ADAM29: variants seen among roughly 807,000 people sequenced by gnomAD.
ADAM29 encodes ADAM metallopeptidase domain 29, also known as disintegrin and metalloproteinase domain-containing protein 29.
For missense variants in ADAM29, 969 were observed against 1,001.8 expected, an observed-to-expected ratio of 0.97 and a Z score of 0.44; for synonymous variants, 367 against 342.3, an observed-to-expected ratio of 1.07 and a Z score of -0.80.
chr4:174,944,542 C>T (rs749507312), intron 4 of ADAM29, among the ~76,000 whole-genome samples: 4 of 151,840 alleles, frequency 2.6e-5, no homozygotes, highest in Non-Finnish European at 4.4e-5. Context: ...TTAAACTTTT[C>T]TTTAGCTTCA....
At chr4:174,921,630 A>G (rs767685103) in intron 2 of ADAM29, among the ~76,000 whole-genome samples, 5 of 152,182 alleles carry the variant, frequency 3.3e-5, no homozygotes, top group Admixed American at 6.5e-5. Flanking sequence ...TAACAATGTC[A>G]ACTCACATAT....
intron 4 of ADAM29, among the ~76,000 whole-genome samples, chr4:174,949,355 G>C (rs546411806): frequency 2.0e-5 from 3 of 152,298 alleles, no homozygotes; most frequent in Non-Finnish European, 2.9e-5. Context: ...CAAATCTTCT[G>C]AACTACACAG....
intron 2 of ADAM29, among the ~76,000 whole-genome samples, chr4:174,924,924 G>T (rs79817977): frequency 6.6e-6 from 1 of 152,156 alleles, no homozygotes; most frequent in Non-Finnish European, 1.5e-5. Context: ...ACCTAAGCCC[G>T]ATGATGAAGG....
At chr4:174,943,828 AG>A (rs35774220) in intron 4 of ADAM29, among the ~76,000 whole-genome samples, 104,440 of 148,890 alleles carry the variant, frequency 0.7, 37,883 homozygotes, top group Non-Finnish European at 0.8. Flanking sequence ...AAAAAAAAAA[AG>A]GAAGTCGTTC....
intron 4 of ADAM29, among the ~76,000 whole-genome samples, chr4:174,943,839 C>T (rs992042864): frequency 6.6e-6 from 1 of 150,930 alleles, no homozygotes; most frequent in Non-Finnish European, 1.5e-5. Context: ...GGAAGTCGTT[C>T]AGTGATTATA....
intron 4 of ADAM29, among the ~76,000 whole-genome samples, chr4:174,949,088 C>T (rs966024251): frequency 1.2e-4 from 19 of 152,230 alleles, no homozygotes; most frequent in African/African-American, 2.9e-4. Context: ...GGAGCTATAA[C>T]GTGAGCCCCC....
At chr4:174,949,079 G>A (rs1745015259) in intron 4 of ADAM29, among the ~76,000 whole-genome samples, 1 of 152,102 alleles carries the variant, frequency 6.6e-6, no homozygotes. Flanking sequence ...TCTGGCAAAG[G>A]AGCTATAACG....
chr4:174,958,673 ACTTTT>A (rs1380225008), intron 4 of ADAM29, among the ~76,000 whole-genome samples: 1 of 151,772 alleles, frequency 6.6e-6, no homozygotes, highest in Non-Finnish European at 1.5e-5. Flanking sequence ...TATATTTGTA[ACTTTT>A]CTTTCATTAC....
Position 174,962,441 on chromosome 4 carries a change from A to G in ADAM29, c.-180-12905A>G, listed in dbSNP as rs371911036. Among the ~76,000 whole-genome samples the G allele has an allele frequency of 9.0e-3, 1,356 of 151,312 alleles. 17 individuals are homozygous for G. The highest frequency in any genetic ancestry group is 0.029 in the African/African-American group (1,184 of 41,168). On this transcript the variant is annotated intron_variant, in intron 4 of 4. Transcript: ENST00000359240. ...GCAGGAGAATGGCGTGAACCCGGGAAGCAGAGCTTGCAGTGAGCCGAGATC... is the reference window on the plus strand; with the variant it reads ...GCAGGAGAATGGCGTGAACCCGGGAGGCAGAGCTTGCAGTGAGCCGAGATC...
chr4:174,972,603 C>T (rs1746535219), intron 4 of ADAM29, among the ~76,000 whole-genome samples: 1 of 152,136 alleles, frequency 6.6e-6, no homozygotes, highest in Non-Finnish European at 1.5e-5. Context: ...CAATTCTTTT[C>T]TTCTCTAGAA....
At chr4:174,947,124 ATC>A (rs145310230) in intron 4 of ADAM29, among the ~76,000 whole-genome samples, 24 of 148,256 alleles carry the variant, frequency 1.6e-4, no homozygotes, top group Non-Finnish European at 1.9e-4. Context: ...GCTTATTTGG[ATC>A]TCTCTCTCTC....
At position 174,977,127 on chromosome 4, in the gene ADAM29, T is replaced by C. The variant is rs749498747; in HGVS notation, c.1602T>C (p.Cys534=). Residue 534 remains cysteine, a synonymous_variant, in exon 5 of 5, where the codon TGT becomes TGC. Coordinates refer to ENST00000359240, the MANE Select transcript of ADAM29 (RefSeq NM_014269.4). ...LNTLGDRVGH[C]GIKNATYIKC... The stretch of plus-strand genomic sequence containing the variant: ...CCTTAGGTGACCGTGTTGGTCACTG[T>C]GGTATCAAAAATGCTACATATATAA... 1.2e-6 allele frequency: 2 copies of C among 1,614,106 alleles called. No individual in the cohort carries two copies. The highest frequency in any genetic ancestry group is 1.7e-6 in the Non-Finnish European group (2 of 1,180,004).
At chr4:174,954,480 T>C (rs1408687052) in intron 4 of ADAM29, among the ~76,000 whole-genome samples, 2 of 152,144 alleles carry the variant, frequency 1.3e-5, no homozygotes, top group Non-Finnish European at 2.9e-5. Context: ...AATAGTCTAT[T>C]CCAGCAAATG....
intron 4 of ADAM29, among the ~76,000 whole-genome samples, chr4:174,946,953 C>A (rs967600280): frequency 6.6e-6 from 1 of 152,116 alleles, no homozygotes; most frequent in African/African-American, 2.4e-5. Flanking sequence ...GATTCCATTT[C>A]TTCCTGGTTC....
chr4:174,930,246 A>G (rs747329503), intron 2 of ADAM29, among the ~76,000 whole-genome samples: 7 of 152,102 alleles, frequency 4.6e-5, no homozygotes, highest in Non-Finnish European at 1.0e-4. Context: ...ATATATATCT[A>G]TATATGAAAC....
intron 4 of ADAM29, among the ~76,000 whole-genome samples, chr4:174,959,990 A>G (rs912869733): frequency 5.3e-5 from 8 of 152,190 alleles, no homozygotes; most frequent in South Asian, 2.1e-4. Flanking sequence ...AATGAATCCA[A>G]TAAAAGACTA....
At position 174,977,791 on chromosome 4, in the gene ADAM29, C is replaced by G; in HGVS notation, c.2266C>G (p.Pro756Ala). The change falls in exon 5 of 5, where the codon CCT (proline) becomes GCT (alanine). Residue 756 changes from proline (P) to alanine (A), a missense_variant. Pro to Ala is a conservative substitution (Grantham distance 27). Coordinates refer to ENST00000359240, the MANE Select transcript of ADAM29 (RefSeq NM_014269.4). ...TPSQSHPQVM[P>A]SQSQPPVTPS... ...TTCCCAGAGTCATCCTCAGGTGATG[C>G]CTTCCCAGAGTCAACCTCCTGTGAC... 7 of 1,600,508 alleles carry G rather than the reference C, an allele frequency of 4.4e-6. No individual in the cohort carries two copies. Among genetic ancestry groups the G allele is most frequent in the Non-Finnish European group, 6.0e-6 (7 of 1,170,882 alleles).
chr4:174,922,869 AT>A (rs972735090), intron 2 of ADAM29, among the ~76,000 whole-genome samples: 81 of 152,110 alleles, frequency 5.3e-4, no homozygotes, highest in African/African-American at 1.8e-3. Context: ...AAAAATTTAT[AT>A]TTTATAATTC....
chr4:174,925,045 C>T (rs1291799550), intron 2 of ADAM29, among the ~76,000 whole-genome samples: 1 of 152,148 alleles, frequency 6.6e-6, no homozygotes, highest in Non-Finnish European at 1.5e-5. Flanking sequence ...CCATCAAACA[C>T]TAATTGAGGG....
Sources: gnomAD v4.1 joint callset for allele counts (sites outside exome capture counted in the v4.1 genomes callset) on GRCh38, gnomAD v4.1.1 for gene constraint, MANE v1.5 for transcripts, NCBI Gene and HGNC (gene_info 2026-07-23, HGNC 2026-07-21) for gene names.